COBLL1: variants seen among roughly 807,000 people sequenced by gnomAD.
COBLL1 encodes the protein cordon-bleu WH2 repeat protein like 1.
In COBLL1, 50 loss-of-function variants were observed where a neutral mutation model predicts 94.8. That is an observed-to-expected ratio of 0.53 (90% CI 0.42 to 0.67). COBLL1 has a LOEUF of 0.67. Among genes scored for constraint, COBLL1 ranks in the 30% least tolerant of loss-of-function variants. COBLL1 has a pLI of 0.00. For synonymous variants in COBLL1, 448 were observed against 473.8 expected (o/e 0.95, Z 0.71); for missense variants, 1,362 against 1,348.7 (o/e 1.01, Z -0.15).
chr2:164,752,792 A>C (rs1319298692), intron 2 of COBLL1, among the ~76,000 whole-genome samples: 2 of 152,198 alleles, frequency 1.3e-5, no homozygotes. Context: ...CTGGACATCA[A>C]AAGGCCTGGG....
chr2:164,692,172 C>A (rs890419573), intron 13 of COBLL1, 49 bp downstream of exon 13: 5 of 1,485,088 alleles, frequency 3.4e-6, no homozygotes, highest in Non-Finnish European at 4.5e-6. Flanking sequence ...ATTAGTTTGA[C>A]AATGGTGACA....
At chr2:164,725,135 A>ATATATATATATATATATATATATATATAT (rs1558956204) in intron 5 of COBLL1, 1 of 57,194 alleles carries the variant, frequency 1.7e-5, no homozygotes, top group African/African-American at 7.8e-5. Context: ...TATATATATA[A>ATATATATATATATATATATATATATATAT]AATGAAAGCA....
intron 2 of COBLL1, among the ~76,000 whole-genome samples, chr2:164,809,422 C>T (rs1265227432): frequency 6.6e-6 from 1 of 151,948 alleles, no homozygotes; most frequent in Non-Finnish European, 1.5e-5. Context: ...TGCTATTTAT[C>T]ATCCACAAAA....
chr2:164,722,398 C>CA, intron 6 of COBLL1, 27 bp downstream of exon 6: 1 of 1,494,536 alleles, frequency 6.7e-7, no homozygotes. Flanking sequence ...AAGAATCTTA[C>CA]AAAATGCAAT....
intron 5 of COBLL1, chr2:164,723,107 A>G (rs1209510914): frequency 6.6e-6 from 1 of 152,206 alleles, no homozygotes; most frequent in Non-Finnish European, 1.5e-5. Context: ...ACCATTGGCA[A>G]TGAGGTTAGG....
chr2:164,752,511 G>A (rs1174644014), intron 2 of COBLL1, among the ~76,000 whole-genome samples: 1 of 152,098 alleles, frequency 6.6e-6, no homozygotes, highest in East Asian at 1.9e-4. Context: ...GTCCTGTACA[G>A]GTGCTTTTTG....
chr2:164,693,939 C>A (rs1033662365), intron 12 of COBLL1, among the ~76,000 whole-genome samples: 2 of 151,932 alleles, frequency 1.3e-5, no homozygotes, highest in East Asian at 1.9e-4. Context: ...AAGATTTAGA[C>A]AAGTTAAAAA....
At chr2:164,727,070 T>A in intron 5 of COBLL1, 1 of 1,153,234 alleles carries the variant, frequency 8.7e-7, no homozygotes, top group Non-Finnish European at 1.2e-6. Context: ...TCCAATTTCA[T>A]GTTATAATTT....
Position 164,684,323 on chromosome 2 carries a change from C to T in COBLL1, c.*1623G>A, listed in dbSNP as rs532458317. ...AATATATTGAAAACATCTTACATGT[C>T]GCTTGTCTTTAAGTCTTCAATCCAA... On this transcript the variant is annotated 3_prime_UTR_variant, in exon 14 of 14. Transcript: ENST00000652658. 2.6e-5 allele frequency: 4 copies of T among 152,054 alleles called. No homozygotes were observed. In the South Asian group the frequency reaches 8.3e-4, roughly 32 times the overall value. 9.4% of individuals were successfully genotyped at this position (152,054 alleles called of 1,614,324 possible). A position where few individuals can be genotyped will look rare whatever the true frequency, so the allele number is the denominator to read the frequency against.
intron 2 of COBLL1, among the ~76,000 whole-genome samples, chr2:164,807,280 T>C (rs528081281): frequency 1.4e-5 from 2 of 147,122 alleles, no homozygotes; most frequent in East Asian, 2.0e-4. Context: ...ACCCCATCTC[T>C]ACTAAAAATT....
intron 13 of COBLL1, chr2:164,687,213 C>CTTTTTT (rs879090827): frequency 6.3e-6 from 2 of 317,722 alleles, no homozygotes; most frequent in African/African-American, 4.7e-5. Context: ...GACTTTCTTT[C>CTTTTTT]TTTTTTTTTT....
At position 164,722,190 on chromosome 2, in the gene COBLL1, C is replaced by T. The variant is rs749215517; in HGVS notation, c.881G>A (p.Arg294Gln). The change falls in exon 7 of 14, where the codon CGG becomes CAG. Residue 294 changes from arginine to glutamine, a missense_variant. Arg to Gln is a conservative substitution (Grantham distance 43). Coordinates refer to ENST00000652658, the MANE Select transcript of COBLL1 (RefSeq NM_001365672.2). ...TLPSDAPKKR[R>Q]APLPPMPASQ... is the part of the protein sequence containing the mutation. ...TGCTGGCATCGGGGGCAGTGGAGCC[C>T]GCCTCTTCTTGGGTGCATCCGACGG... is the stretch of plus-strand genomic sequence containing the variant. The T allele has an allele frequency of 5.6e-6, 9 of 1,614,042 alleles. No homozygotes were observed. The highest frequency in any genetic ancestry group is 1.6e-4 in the Middle Eastern group (1 of 6,062).
At chr2:164,755,675 A>T (rs1286427763) in intron 2 of COBLL1, among the ~76,000 whole-genome samples, 1 of 152,184 alleles carries the variant, frequency 6.6e-6, no homozygotes, top group Non-Finnish European at 1.5e-5. Context: ...GTTCTAACTC[A>T]TGTAATAAAA....
At chr2:164,660,820 T>C (rs1037503671) in intron 2 of COBLL1, among the ~76,000 whole-genome samples, 3 of 152,214 alleles carry the variant, frequency 2.0e-5, no homozygotes, top group Non-Finnish European at 2.9e-5. Flanking sequence ...TAATACTACA[T>C]TTTAGGTAAG....
intron 2 of COBLL1, among the ~76,000 whole-genome samples, chr2:164,750,949 T>C (rs1687095741): frequency 6.6e-6 from 1 of 152,188 alleles, no homozygotes; most frequent in Non-Finnish European, 1.5e-5. Flanking sequence ...GCCCCTCTTG[T>C]TACTCCCAGT....
At chr2:164,686,861 T>G (rs1217824534) in intron 13 of COBLL1, among the ~76,000 whole-genome samples, 1 of 152,252 alleles carries the variant, frequency 6.6e-6, no homozygotes, top group Non-Finnish European at 1.5e-5. Flanking sequence ...AACCAAACAC[T>G]ATCATTTTCT....
At chr2:164,775,010 T>C (rs1287555504) in intron 2 of COBLL1, among the ~76,000 whole-genome samples, 2 of 151,998 alleles carry the variant, frequency 1.3e-5, no homozygotes, top group Non-Finnish European at 2.9e-5. Flanking sequence ...AAAAACAAGA[T>C]GTTCAGGTTA....
At chr2:164,697,807 A>G (rs1377118735) in intron 11 of COBLL1, 1 of 152,050 alleles carries the variant, frequency 6.6e-6, no homozygotes, top group Non-Finnish European at 1.5e-5. Context: ...ATCCATCCTC[A>G]TATACAACTG....
In COBLL1 at chr2:164,733,661, A is replaced by C. The variant is rs967301820; in HGVS notation, c.231-3546T>G. On this transcript the variant is annotated intron_variant, in intron 3 of 13. Transcript: ENST00000652658. ...GAATTGTTTCTGGGGAAACAACTGA[A>C]TTTTCAGTAAGTGGTACTGGGAAAA... is the stretch of plus-strand genomic sequence containing the variant. Among the ~76,000 whole-genome samples, 9 of 152,290 alleles carry C rather than the reference A, an allele frequency of 5.9e-5. No individual in the cohort carries two copies. The South Asian group carries it at 1.9e-3, about 32-fold the overall frequency.
Sources: gnomAD v4.1 joint callset for allele counts (sites outside exome capture counted in the v4.1 genomes callset) on GRCh38, gnomAD v4.1.1 for gene constraint, MANE v1.5 for transcripts, NCBI Gene and HGNC (gene_info 2026-07-23, HGNC 2026-07-21) for gene names.